IPPK: variants seen among roughly 807,000 people sequenced by gnomAD.
IPPK encodes IPK1 homolog.
In IPPK, 22 loss-of-function variants were observed where a neutral mutation model predicts 64.6. That is an observed-to-expected ratio of 0.34 (90% CI 0.24 to 0.49). The LOEUF (loss-of-function observed/expected upper bound fraction) is 0.49. Among genes scored for constraint, IPPK ranks in the 20% least tolerant of loss-of-function variants. The probability of loss-of-function intolerance (pLI) is 0.99; values close to 1 mark genes in which losing one functional copy is unlikely to be tolerated. For synonymous variants in IPPK, 262 were observed against 247.2 expected (o/e 1.06, Z -0.56); for missense variants, 532 against 630.7 (o/e 0.84, Z 1.68).
At position 92,635,627 on chromosome 9, in the gene IPPK, C is replaced by T. The variant is rs1851927137; in HGVS notation, c.917-319G>A. Among the ~76,000 whole-genome samples, 1 of 152,226 alleles carries T rather than the reference C, an allele frequency of 6.6e-6. No homozygotes were observed. Among genetic ancestry groups the T allele is most frequent in the Admixed American group, 6.5e-5 (1 of 15,284 alleles). ...TCTCAGAATGTCCTTTAGATTCCAC[C>T]ACAACAGCCCTGGAAGTCACTTTAT... is the stretch of plus-strand genomic sequence containing the variant. On this transcript the variant is annotated intron_variant, in intron 9 of 12. Transcript: ENST00000287996. This position sits in a 1 kb window ranked among gnomAD's most constrained non-coding sequence, Gnocchi z 4.4.
At chr9:92,640,899 C>T (rs1465020970) in intron 7 of IPPK, 117 bp from the exon 8 acceptor site, 2 of 754,036 alleles carry the variant, frequency 2.7e-6, no homozygotes, top group Non-Finnish European at 4.8e-6. Context: ...CGCTGGGAAA[C>T]CCAGAGTCCA....
At chr9:92,663,354 C>T (rs1398846628) in intron 1 of IPPK, among the ~76,000 whole-genome samples, 2 of 152,200 alleles carry the variant, frequency 1.3e-5, no homozygotes, top group African/African-American at 4.8e-5. Flanking sequence ...CCCACACAGC[C>T]TGGGCATGGG....
intron 1 of IPPK, among the ~76,000 whole-genome samples, chr9:92,659,147 C>T (rs952783831): frequency 3.3e-5 from 5 of 152,100 alleles, no homozygotes; most frequent in Admixed American, 2.6e-4. Flanking sequence ...GAGAAATACA[C>T]GTGAGCACAC....
At chr9:92,620,027 C>G (rs890492543) in intron 11 of IPPK, 14 of 175,344 alleles carry the variant, frequency 8.0e-5, no homozygotes, top group African/African-American at 2.3e-4. Flanking sequence ...GAACATCATA[C>G]AGCCACCAGA....
intron 9 of IPPK, among the ~76,000 whole-genome samples, chr9:92,637,020 C>G (rs1342539186): frequency 2.6e-5 from 4 of 152,056 alleles, no homozygotes; most frequent in Admixed American, 2.6e-4. Context: ...AAAAAACCCC[C>G]ACAAAGTTCA....
chr9:92,631,667 T>A (rs940740736), intron 11 of IPPK, among the ~76,000 whole-genome samples: 7 of 152,224 alleles, frequency 4.6e-5, no homozygotes, highest in African/African-American at 1.7e-4. Context: ...TCAAGCCACG[T>A]TTCTCCCACC....
intron 1 of IPPK, among the ~76,000 whole-genome samples, chr9:92,662,621 G>A (rs1337154123): frequency 6.6e-6 from 1 of 152,062 alleles, no homozygotes; most frequent in Admixed American, 6.5e-5. Flanking sequence ...CAAAAGCAAC[G>A]CTAAACCAAG....
intron 10 of IPPK, 90 bp from the exon 11 acceptor site, chr9:92,634,578 C>T (rs1252365392): frequency 2.4e-6 from 2 of 836,978 alleles, no homozygotes; most frequent in Non-Finnish European, 4.1e-6. Context: ...CCCAGCACCA[C>T]TAAACATCAC....
chr9:92,649,145 G>C (rs1441511581), intron 5 of IPPK, among the ~76,000 whole-genome samples: 1 of 152,218 alleles, frequency 6.6e-6, no homozygotes, highest in Non-Finnish European at 1.5e-5. Flanking sequence ...CGGGTCAGGG[G>C]GACCCAACGC....
chr9:92,624,588 C>T (rs2131422442), intron 11 of IPPK, among the ~76,000 whole-genome samples: 1 of 152,238 alleles, frequency 6.6e-6, no homozygotes, highest in South Asian at 2.1e-4. Flanking sequence ...GAGCCATGAT[C>T]GTGCCAGTGC....
intron 4 of IPPK, 72 bp downstream of exon 4, chr9:92,652,501 T>TAATCATTTC: frequency 2.7e-6 from 2 of 737,922 alleles, no homozygotes; most frequent in Non-Finnish European, 4.4e-6. Context: ...CTAACATGGG[T>TAATCATTTC]AATCATTTCA....
chr9:92,638,131 C>A lies in IPPK; in HGVS notation c.786G>T (p.Val262=). 4.3e-6 allele frequency: 7 copies of A among 1,614,194 alleles called. No individual in the cohort carries two copies. Among genetic ancestry groups the A allele is most frequent in the Non-Finnish European group, 5.9e-6 (7 of 1,180,038 alleles). ...HCTRAVIREL[V]HVITRVLLSG... is the part of the protein sequence containing the mutation. ...TCAGCAGCACCCGTGTGATCACGTG[C>A]ACCAGCTCCCTGATCACAGCCCTTG... Residue 262 remains valine (V), a synonymous_variant, in exon 9 of 13, where the codon GTG becomes GTT. Coordinates refer to ENST00000287996, the MANE Select transcript of IPPK (RefSeq NM_022755.6).
chr9:92,642,808 T>C lies in IPPK; in HGVS notation c.507A>G (p.Val169=), dbSNP rs754967623. 6.2e-7 allele frequency: 1 copy of C among 1,613,738 alleles called. No homozygotes were observed. The highest frequency in any genetic ancestry group is 8.5e-7 in the Non-Finnish European group (1 of 1,179,670). The change falls in exon 7 of 13, where the codon GTA becomes GTG. Residue 169 remains valine (V), a splice_region_variant and synonymous_variant. Coordinates refer to ENST00000287996, the MANE Select transcript of IPPK (RefSeq NM_022755.6). ...TGATCTGCTTCCACTTCCCAGTTGCTACCTGTGAAAACACCAACAGGAGGG... is the reference window on the plus strand; with the variant it reads ...TGATCTGCTTCCACTTCCCAGTTGCCACCTGTGAAAACACCAACAGGAGGG... ...CRYCMHQHLK[V]ATGKWKQISK...
Position 92,635,639 on chromosome 9 carries a change from G to A in IPPK, c.917-331C>T, listed in dbSNP as rs1851928044. On this transcript the variant is annotated intron_variant, in intron 9 of 12. Transcript: ENST00000287996. The surrounding 1 kb of genome is among the most constrained non-coding windows in gnomAD (Gnocchi z 4.4). Reference sequence around the variant, plus strand: ...CTTTAGATTCCACCACAACAGCCCTGGAAGTCACTTTATGATCTAAGTTTA... The same window carrying A: ...CTTTAGATTCCACCACAACAGCCCTAGAAGTCACTTTATGATCTAAGTTTA... 6.6e-6 allele frequency among the ~76,000 whole-genome samples: 1 copy of A among 152,086 alleles called. No individual in the cohort carries two copies. The highest frequency in any genetic ancestry group is 2.4e-5 in the African/African-American group (1 of 41,424).
chr9:92,669,878 C>T, intron 1 of IPPK, 30 bp downstream of exon 1: 1 of 1,561,920 alleles, frequency 6.4e-7, no homozygotes, highest in Non-Finnish European at 8.8e-7. Context: ...GAGTGAGGTA[C>T]CGGACCTGCG....
At chr9:92,656,824 C>T (rs1206689917) in intron 2 of IPPK, among the ~76,000 whole-genome samples, 1 of 152,182 alleles carries the variant, frequency 6.6e-6, no homozygotes, top group African/African-American at 2.4e-5. Flanking sequence ...CCCGTCTGCC[C>T]TTCTCCCAAA....
intron 1 of IPPK, among the ~76,000 whole-genome samples, chr9:92,665,970 A>G (rs1182831448): frequency 6.6e-6 from 1 of 152,154 alleles, no homozygotes; most frequent in Non-Finnish European, 1.5e-5. Flanking sequence ...GGGACACCAA[A>G]ACTCCCCAGG....
intron 7 of IPPK, among the ~76,000 whole-genome samples, chr9:92,642,155 G>A (rs996069707): frequency 1.3e-5 from 2 of 152,214 alleles, no homozygotes; most frequent in African/African-American, 2.4e-5. Context: ...GCCCCACTGC[G>A]GACTGACCCT....
At chr9:92,643,770 G>A (rs1852097600) in intron 6 of IPPK, among the ~76,000 whole-genome samples, 1 of 152,188 alleles carries the variant, frequency 6.6e-6, no homozygotes, top group Non-Finnish European at 1.5e-5. Context: ...GCACGTACAG[G>A]CATGTAAACA....
Sources: gnomAD v4.1 joint callset for allele counts (sites outside exome capture counted in the v4.1 genomes callset) on GRCh38, gnomAD v4.1.1 for gene constraint, Gnocchi (gnomAD v3.1) non-coding constraint, MANE v1.5 for transcripts, NCBI Gene and HGNC (gene_info 2026-07-23, HGNC 2026-07-21) for gene names.